The following GAGE1 variants were observed in gnomAD, a reference collection of about 807,000 sequenced individuals.
GAGE1 encodes G antigen 1.
Under a neutral mutation model 5.0 loss-of-function variants are expected in GAGE1, and 5 were observed. That is an observed-to-expected ratio of 1.00 (90% CI 0.52 to 2.11). The LOEUF is 2.11. Ranked by LOEUF, GAGE1 falls within the 30% of genes most tolerant of loss-of-function variation. The probability of loss-of-function intolerance (pLI) is 0.01; values close to 1 mark genes in which losing one functional copy is unlikely to be tolerated. For synonymous variants in GAGE1, 6 were observed against 14.8 expected (o/e 0.40, Z 1.37); for missense variants, 9 against 38.9 (o/e 0.23, Z 2.04).
intron 4 of GAGE1, among the ~76,000 whole-genome samples, chrX:49,604,295 G>C (rs187384613): frequency 6.2e-4 from 70 of 112,678 alleles, no homozygotes; most frequent in Non-Finnish European, 1.0e-3. Flanking sequence ...TGAGTCAAAG[G>C]TATGTTGAAT....
intron 4 of GAGE1, among the ~76,000 whole-genome samples, chrX:49,604,129 A>T (rs1179063471): frequency 8.9e-6 from 1 of 112,929 alleles, no homozygotes; most frequent in Non-Finnish European, 1.9e-5. Flanking sequence ...CCGGGATTAC[A>T]GGCGAGAGCC....
At chrX:49,605,361 T>C (rs2066650277) in intron 4 of GAGE1, among the ~76,000 whole-genome samples, 1 of 112,602 alleles carries the variant, frequency 8.9e-6, no homozygotes, top group Non-Finnish European at 1.9e-5. Flanking sequence ...TAGTCCTTCC[T>C]GAGTAATCAA....
At chrX:49,605,880 C>T in intron 4 of GAGE1, 113 bp from the exon 5 acceptor site, 1 of 464,445 alleles carries the variant, frequency 2.2e-6, no homozygotes, top group Non-Finnish European at 2.9e-6. Flanking sequence ...TGTACTCCAG[C>T]CTGGGCAACA....
At chrX:49,604,043 G>T (rs1341296109) in intron 4 of GAGE1, among the ~76,000 whole-genome samples, 2 of 112,650 alleles carry the variant, frequency 1.8e-5, no homozygotes, top group Non-Finnish European at 3.8e-5. Flanking sequence ...AGTAGAGACA[G>T]GGTTTCGTTA....
At position 49,606,315 on chromosome X, in the gene GAGE1, T is replaced by A; in HGVS notation, c.*300T>A. The A allele has an allele frequency of 6.4e-6, 1 of 157,208 alleles. No individual in the cohort carries two copies. Among genetic ancestry groups the A allele is most frequent in the Non-Finnish European group, 1.2e-5 (1 of 81,354 alleles). The allele number at this position is 157,208 out of a possible 1,213,427, so 13.0% of individuals were successfully genotyped here. A position where few individuals can be genotyped will look rare whatever the true frequency, so the allele number is the denominator to read the frequency against. ...TTTTTTCAGTTTTCAACCTACAGAA[T>A]CATATCATTTTTGAATAAGAACAAT... On this transcript the variant is annotated 3_prime_UTR_variant, in exon 5 of 5. Coordinates refer to ENST00000381700, the MANE Select transcript of GAGE1 (RefSeq NM_001040663.4).
At chrX:49,603,951 C>G (rs1602749557) in intron 4 of GAGE1, among the ~76,000 whole-genome samples, 158 bp downstream of exon 4, 1 of 113,427 alleles carries the variant, frequency 8.8e-6, no homozygotes, top group South Asian at 3.5e-4. Flanking sequence ...CTCCAGGGTT[C>G]AAGTGATTCT....
intron 4 of GAGE1, chrX:49,605,155 C>T (rs2066647993): frequency 2.0e-6 from 2 of 996,816 alleles, no homozygotes; most frequent in African/African-American, 3.9e-5. Flanking sequence ...GTCAGTGATG[C>T]TCAGCATGGG....
At chrX:49,604,466 C>T (rs2066639054) in intron 4 of GAGE1, among the ~76,000 whole-genome samples, 1 of 112,204 alleles carries the variant, frequency 8.9e-6, no homozygotes. Flanking sequence ...GCTCTTACAG[C>T]CTTGGTGAGA....
Position 49,605,999 on chromosome X carries a change from G to T in GAGE1, c.338G>T (p.Gly113Val). 6 of 1,073,855 alleles carry T rather than the reference G, an allele frequency of 5.6e-6. No individual in the cohort carries two copies. The highest frequency in any genetic ancestry group is 7.3e-6 in the Non-Finnish European group (6 of 822,319). The allele number at this position is 1,073,855 out of a possible 1,213,427, so 88.5% of individuals were successfully genotyped here. A position where few individuals can be genotyped will look rare whatever the true frequency, so the allele number is the denominator to read the frequency against. Residue 113 changes from glycine to valine, a missense_variant, in exon 5 of 5, where the codon GGG (glycine) becomes GTG (valine). Transcript: ENST00000381700. ...CTGTTTTGTTTTGTTTCAGGTGAAG[G>T]GCAATCACAGTGTTAAAAGAAGACA... Reference protein sequence around the residue: ...EEVKTPEEGEGQSQC With the variant: ...EEVKTPEEGEVQSQC
intron 4 of GAGE1, 58 bp from the exon 5 acceptor site, chrX:49,605,935 T>TAAG: frequency 1.5e-6 from 1 of 655,885 alleles, no homozygotes; most frequent in Non-Finnish European, 2.1e-6. Context: ...ATAATAATAA[T>TAAG]AATAATAATA....
intron 4 of GAGE1, chrX:49,604,881 C>G (rs1465009072): frequency 1.1e-5 from 3 of 270,836 alleles, no homozygotes; most frequent in African/African-American, 5.6e-5. Context: ...ACTTTCAGCT[C>G]ACTGCAACCT....
In GAGE1 at chrX:49,606,760, G is replaced by A. The variant is rs913737598; in HGVS notation, c.*745G>A. On this transcript the variant is annotated 3_prime_UTR_variant, in exon 5 of 5. Transcript: ENST00000381700. ...TGAATTTCATCAAACACTGACCTGAGTCATCTTAAAACATGTGAATTGAGA... is the reference window on the plus strand; with the variant it reads ...TGAATTTCATCAAACACTGACCTGAATCATCTTAAAACATGTGAATTGAGA... 8.9e-6 allele frequency: 1 copy of A among 112,004 alleles called. No homozygotes were observed. Among genetic ancestry groups the A allele is most frequent in the Admixed American group, 9.5e-5 (1 of 10,507 alleles). The allele number at this position is 112,004 out of a possible 1,213,427, so 9.2% of individuals were successfully genotyped here.
chrX:49,605,013 A>G (rs782503797), intron 4 of GAGE1: 8 of 1,008,078 alleles, frequency 7.9e-6, no homozygotes, highest in Admixed American at 2.5e-5. Context: ...AGGTCTCACT[A>G]TGTTGCCCAG....
At chrX:49,605,443 A>T (rs1337981574) in intron 4 of GAGE1, among the ~76,000 whole-genome samples, 5 of 112,247 alleles carry the variant, frequency 4.5e-5, no homozygotes, top group African/African-American at 1.6e-4. Context: ...ACTTGAAAGG[A>T]AGCACTTGAT....
chrX:49,603,919 C>A (rs879994079), intron 4 of GAGE1, 126 bp downstream of exon 4: 2 of 468,570 alleles, frequency 4.3e-6, no homozygotes, highest in Non-Finnish European at 7.3e-6. Flanking sequence ...GTGGTGCCAT[C>A]TCGGCTCACT....
At chrX:49,604,373 C>T (rs1457028535) in intron 4 of GAGE1, among the ~76,000 whole-genome samples, 3 of 112,160 alleles carry the variant, frequency 2.7e-5, no homozygotes, top group African/African-American at 6.5e-5. Context: ...CAAAGGTCTG[C>T]TTTTAATCAA....
At chrX:49,604,202 A>G (rs1290903642) in intron 4 of GAGE1, among the ~76,000 whole-genome samples, 2 of 112,643 alleles carry the variant, frequency 1.8e-5, no homozygotes, top group Non-Finnish European at 3.7e-5. Context: ...CCTCTTTAGT[A>G]AAGAGTTCTT....
intron 4 of GAGE1, among the ~76,000 whole-genome samples, chrX:49,605,650 G>A (rs782533098): frequency 1.8e-5 from 2 of 111,581 alleles, no homozygotes; most frequent in African/African-American, 3.3e-5. Flanking sequence ...TGTGGCTCAC[G>A]CCTGTAATCC....
intron 4 of GAGE1, among the ~76,000 whole-genome samples, chrX:49,604,263 A>T (rs1557131616): frequency 8.9e-6 from 1 of 112,774 alleles, no homozygotes; most frequent in African/African-American, 3.2e-5. Context: ...CGAGTGATAG[A>T]CTTTCAGATA....
Sources: allele counts gnomAD v4.1 joint callset (sites outside exome capture counted in the v4.1 genomes callset), GRCh38; gene constraint gnomAD v4.1.1; transcripts MANE v1.5; gene names NCBI Gene and HGNC (gene_info 2026-07-23, HGNC 2026-07-21).